KCNMA1: variants seen among roughly 807,000 people sequenced by gnomAD.
KCNMA1 encodes the protein Calcium-activated potassium channel subunit alpha-1.
Under a neutral mutation model 140.0 loss-of-function variants are expected in KCNMA1, and 29 were observed. That is an observed-to-expected ratio of 0.21 (90% confidence interval 0.15 to 0.28). KCNMA1 has a LOEUF of 0.28. Among genes scored for constraint, KCNMA1 ranks in the 10% least tolerant of loss-of-function variants. The pLI, the probability that KCNMA1 is intolerant of heterozygous loss-of-function variation, is 1.00. For missense variants in KCNMA1, 880 were observed against 1,602.2 expected (o/e 0.55, Z 7.70); for synonymous variants, 612 against 611.9 (o/e 1.00, Z 0.00).
chr10:77,559,227 G>T (rs2065541075), intron 1 of KCNMA1, among the ~76,000 whole-genome samples: 1 of 152,188 alleles, frequency 6.6e-6, no homozygotes, highest in Non-Finnish European at 1.5e-5. Context: ...CCCTACCAGG[G>T]TGAAAATATT....
At chr10:77,065,318 G>A (rs911348408) in intron 14 of KCNMA1, among the ~76,000 whole-genome samples, 3 of 152,102 alleles carry the variant, frequency 2.0e-5, no homozygotes, top group Non-Finnish European at 4.4e-5. Context: ...GGGGGAGGGG[G>A]TGCAGATTCC....
chr10:76,898,699 T>C (rs1330608511), intron 25 of KCNMA1, among the ~76,000 whole-genome samples: 1 of 151,912 alleles, frequency 6.6e-6, no homozygotes, highest in East Asian at 1.9e-4. Flanking sequence ...AAACTTAGAA[T>C]ATGAAATATT....
intron 2 of KCNMA1, 114 bp downstream of exon 2, chr10:77,403,748 C>G: frequency 9.4e-7 from 1 of 1,063,332 alleles, no homozygotes. Flanking sequence ...TCACCCCCAC[C>G]TCCCAATAGC....
At chr10:77,003,767 G>A (rs928172484) in intron 18 of KCNMA1, among the ~76,000 whole-genome samples, 2 of 152,182 alleles carry the variant, frequency 1.3e-5, no homozygotes, top group African/African-American at 4.8e-5. Context: ...CATTTGTGGA[G>A]AAAGAAAGTT....
At chr10:77,242,692 A>G (rs1414704079) in intron 3 of KCNMA1, among the ~76,000 whole-genome samples, 1 of 152,174 alleles carries the variant, frequency 6.6e-6, no homozygotes, top group Non-Finnish European at 1.5e-5. Context: ...AGCATTATAC[A>G]TAAGTACTCA....
intron 2 of KCNMA1, among the ~76,000 whole-genome samples, chr10:77,289,012 G>A (rs534717020): frequency 1.3e-5 from 2 of 152,312 alleles, no homozygotes; most frequent in African/African-American, 4.8e-5. Context: ...AAAGAATGCT[G>A]CAATCTGCTC....
chr10:77,120,673 C>T (rs1417003177), intron 6 of KCNMA1, among the ~76,000 whole-genome samples: 1 of 152,094 alleles, frequency 6.6e-6, no homozygotes, highest in Non-Finnish European at 1.5e-5. Flanking sequence ...CCCTTGACAC[C>T]GTGGCTCTTA....
intron 1 of KCNMA1, among the ~76,000 whole-genome samples, chr10:77,423,629 A>AC (rs1031725972): frequency 6.6e-6 from 1 of 152,138 alleles, no homozygotes; most frequent in African/African-American, 2.4e-5. Context: ...AGGATGAAAA[A>AC]TCAGAGCCAA....
chr10:77,315,119 G>A (rs2080474547), intron 2 of KCNMA1, among the ~76,000 whole-genome samples: 2 of 152,196 alleles, frequency 1.3e-5, no homozygotes, highest in African/African-American at 4.8e-5. Context: ...GAACTAGATA[G>A]TACCTAATAA....
At chr10:77,417,486 G>A (rs1464812199) in intron 1 of KCNMA1, among the ~76,000 whole-genome samples, 1 of 152,120 alleles carries the variant, frequency 6.6e-6, no homozygotes. Flanking sequence ...CTTAAACTGG[G>A]GGTTGGCTCC....
At chr10:77,479,553 G>A (rs534190281) in intron 1 of KCNMA1, among the ~76,000 whole-genome samples, 72 of 152,194 alleles carry the variant, frequency 4.7e-4, no homozygotes, top group African/African-American at 1.5e-3. Context: ...TTTCCCCTTC[G>A]TCAGGCAATG....
At chr10:76,892,038 A>C (rs7087337) in intron 25 of KCNMA1, among the ~76,000 whole-genome samples, 16,250 of 152,106 alleles carry the variant, frequency 0.11, 1,205 homozygotes, top group African/African-American at 0.21. Flanking sequence ...TCCCCCTCCT[A>C]AAGTCTACGT....
At chr10:77,609,516 C>T (rs2673425) in intron 1 of KCNMA1, among the ~76,000 whole-genome samples, 33,507 of 152,108 alleles carry the variant, frequency 0.22, 3,985 homozygotes, top group African/African-American at 0.27. Context: ...ACATCTATTA[C>T]TGTACATCAT....
chr10:76,995,462 AC>A, intron 19 of KCNMA1: 1 of 426,400 alleles, frequency 2.3e-6, no homozygotes, highest in Non-Finnish European at 4.9e-6. Flanking sequence ...TCTAATTCAA[AC>A]CTCTGCTTGT....
At chr10:77,435,273 A>C (rs533884277) in intron 1 of KCNMA1, among the ~76,000 whole-genome samples, 1 of 152,182 alleles carries the variant, frequency 6.6e-6, no homozygotes, top group Non-Finnish European at 1.5e-5. Flanking sequence ...CCGTAACATT[A>C]CCACATGTGA....
At chr10:77,502,878 GATA>G (rs1455877009) in intron 1 of KCNMA1, among the ~76,000 whole-genome samples, 1 of 152,222 alleles carries the variant, frequency 6.6e-6, no homozygotes, top group Non-Finnish European at 1.5e-5. Flanking sequence ...TAATAAAACT[GATA>G]ATGACAACGA....
intron 1 of KCNMA1, among the ~76,000 whole-genome samples, chr10:77,508,799 C>A (rs1326292627): frequency 6.6e-6 from 1 of 152,046 alleles, no homozygotes; most frequent in Non-Finnish European, 1.5e-5. Context: ...AAAAACATCT[C>A]CCTATTCCCT....
intron 16 of KCNMA1, among the ~76,000 whole-genome samples, chr10:77,025,281 T>A: frequency 8.2e-6 from 1 of 122,332 alleles, no homozygotes. Context: ...TATATATATA[T>A]ACACACACAC....
intron 3 of KCNMA1, among the ~76,000 whole-genome samples, chr10:77,237,396 G>A (rs1437242278): frequency 1.3e-5 from 2 of 152,166 alleles, no homozygotes; most frequent in African/African-American, 4.8e-5. Flanking sequence ...AAGCCAAGAA[G>A]GTCTGGTCTG....
Sources: allele counts gnomAD v4.1 joint callset (sites outside exome capture counted in the v4.1 genomes callset), GRCh38; gene constraint gnomAD v4.1.1; transcripts MANE v1.5; gene names NCBI Gene and HGNC (gene_info 2026-07-23, HGNC 2026-07-21).